Variants in NDUFAF1 observed in about 807,000 individuals in gnomAD.
NDUFAF1 encodes the protein complex I intermediate-associated protein 30, mitochondrial.
A neutral mutation model predicts 28.7 loss-of-function variants in NDUFAF1; 18 were observed. The observed-to-expected ratio is 0.63, with a 90% confidence interval of 0.43 to 0.93. The LOEUF (loss-of-function observed/expected upper bound fraction) is 0.93, where lower values mean the gene tolerates loss of function less well. NDUFAF1 is among the 40% of genes least tolerant of loss of function. The pLI is 0.00. For synonymous variants in NDUFAF1, 113 were observed against 139.7 expected (o/e 0.81, Z 1.35); for missense variants, 404 against 398.3 (o/e 1.01, Z -0.12).
chr15:41,399,953 G>A (rs1003087525), intron 1 of NDUFAF1, among the ~76,000 whole-genome samples: 1 of 151,788 alleles, frequency 6.6e-6, no homozygotes, highest in African/African-American at 2.4e-5. Context: ...CCAGCTACTC[G>A]GGAGGCTGAA....
chr15:41,387,521 C>G lies in NDUFAF1; in HGVS notation c.907G>C (p.Val303Leu). Reference sequence around the variant, plus strand: ...TCTGTATGAGCTGGATCAGTAAACACGCCAATAAAATCTATCTCCAGGAAG... The same window carrying G: ...TCTGTATGAGCTGGATCAGTAAACAGGCCAATAAAATCTATCTCCAGGAAG... Reference protein sequence around the residue: ...PFFLEIDFIGVFTDPAHTEEF... With the variant: ...PFFLEIDFIGLFTDPAHTEEF... Residue 303 changes from valine to leucine, a missense_variant, in exon 5 of 5, where the codon GTG becomes CTG. Coordinates refer to ENST00000260361, the MANE Select transcript of NDUFAF1 (RefSeq NM_016013.4). 1.2e-6 allele frequency: 2 copies of G among 1,613,016 alleles called. No homozygotes were observed. The highest frequency in any genetic ancestry group is 1.3e-5 in the African/African-American group (1 of 74,992).
intron 1 of NDUFAF1, 52 bp downstream of exon 1, chr15:41,402,092 C>G: frequency 2.5e-6 from 1 of 400,010 alleles, no homozygotes; most frequent in Admixed American, 2.5e-5. Flanking sequence ...TTTGACAACA[C>G]AATCCACGCA....
chr15:41,402,063 C>G (rs2050470388), intron 1 of NDUFAF1, 81 bp downstream of exon 1: 1 of 365,144 alleles, frequency 2.7e-6, no homozygotes, highest in Admixed American at 2.8e-5. Flanking sequence ...ACAATACCGC[C>G]CTGAGGTTGA....
At position 41,396,727 on chromosome 15, in the gene NDUFAF1, G is replaced by T. The variant is rs2050393519; in HGVS notation, c.333C>A (p.His111Gln). ...GTTCCAGCAAGACCTCATGCAGAGG[G>T]TGGCCTTCCGGTCCTCTCCAATGAT... is the stretch of plus-strand genomic sequence containing the variant. Reference protein sequence around the residue: ...IVDHWRGPEGHPLHEVLLEQA... With the variant: ...IVDHWRGPEGQPLHEVLLEQA... The change falls in exon 2 of 5, where the codon CAC becomes CAA. Residue 111 changes from histidine (H) to glutamine (Q), a missense_variant. Transcript: ENST00000260361. 1.2e-6 allele frequency: 2 copies of T among 1,613,990 alleles called. No homozygotes were observed. The highest frequency in any genetic ancestry group is 1.3e-5 in the African/African-American group (1 of 74,868).
chr15:41,402,696 A>G (rs1276583990), upstream of NDUFAF1, among the ~76,000 whole-genome samples: 1 of 141,230 alleles, frequency 7.1e-6, no homozygotes, highest in Non-Finnish European at 1.5e-5. Context: ...TCCTTCCTGT[A>G]TCCTTTCAGG....
chr15:41,395,005 A>G lies in NDUFAF1; in HGVS notation c.613T>C (p.Phe205Leu). The G allele has an allele frequency of 6.2e-7, 1 of 1,614,144 alleles. No homozygotes were observed. The highest frequency in any genetic ancestry group is 1.1e-5 in the South Asian group (1 of 91,080). ...CGTACACGGAGATACAGAGTATTGA[A>G]CTGGGACCAATCGTAAGACATCTTC... ...ERKMSYDWSQ[F>L]NTLYLRVRGD... The change falls in exon 3 of 5, where the codon TTC becomes CTC. Residue 205 changes from phenylalanine to leucine, a missense_variant. Coordinates refer to ENST00000260361, the MANE Select transcript of NDUFAF1 (RefSeq NM_016013.4).
At chr15:41,394,172 G>C (rs1295890413) in intron 3 of NDUFAF1, 3 of 450,010 alleles carry the variant, frequency 6.7e-6, no homozygotes, top group Non-Finnish European at 1.3e-5. Flanking sequence ...GGGATTACAG[G>C]CATGCGCCAC....
chr15:41,387,355 G>T lies in NDUFAF1; in HGVS notation c.*89C>A, dbSNP rs1595628323. ...AGAGAATACATACTAGCCATTGGTT[G>T]GATGCCATTAAAGAAATATTTTATT... On this transcript the variant is annotated 3_prime_UTR_variant, in exon 5 of 5. Coordinates refer to ENST00000260361, the MANE Select transcript of NDUFAF1 (RefSeq NM_016013.4). The T allele has an allele frequency of 1.6e-6, 2 of 1,226,744 alleles. No individual in the cohort carries two copies. The highest frequency in any genetic ancestry group is 2.4e-6 in the Non-Finnish European group (2 of 842,330). The allele number at this position is 1,226,744 out of a possible 1,614,324, so 76.0% of individuals were successfully genotyped here.
In NDUFAF1 at chr15:41,389,078, TTTAA is replaced by T. The variant is rs1240847525; in HGVS notation, c.760-560_760-557del. 5.9e-5 allele frequency among the ~76,000 whole-genome samples: 9 copies of T among 152,068 alleles called. No homozygotes were observed. In the South Asian group the frequency reaches 6.2e-4, roughly 11 times the overall value. On this transcript the variant is annotated intron_variant, in intron 3 of 4. Coordinates refer to ENST00000260361, the MANE Select transcript of NDUFAF1 (RefSeq NM_016013.4). Reference sequence around the variant, plus strand: ...ACGATCTTTTAAAACTATATCTGGCTTTAATTGTTTGTGTTTTGTTTTGAGATAG... The same window carrying T: ...ACGATCTTTTAAAACTATATCTGGCTTTGTTTGTGTTTTGTTTTGAGATAG...
At chr15:41,390,654 G>A (rs2050305790) in intron 3 of NDUFAF1, among the ~76,000 whole-genome samples, 1 of 151,794 alleles carries the variant, frequency 6.6e-6, no homozygotes, top group African/African-American at 2.4e-5. Flanking sequence ...GAACCCGGGA[G>A]GCGGAGCTTG....
chr15:41,393,586 G>A (rs1292196164), intron 3 of NDUFAF1, among the ~76,000 whole-genome samples: 6 of 139,800 alleles, frequency 4.3e-5, no homozygotes, highest in African/African-American at 1.5e-4. Context: ...CACCGCGGCC[G>A]GCCTTTTTTT....
Position 41,388,526 on chromosome 15 carries a change from AAAG to A in NDUFAF1, c.760-7_760-5del, listed in dbSNP as rs2050278399. ...AGAAAAATTTGGAAAAAGGAATCTG[AAAG>A]AAGAAACCATTTACTTCATAACTGA... is the stretch of plus-strand genomic sequence containing the variant. On this transcript the variant is annotated splice_region_variant and splice_polypyrimidine_tract_variant and intron_variant, in intron 3 of 4. Coordinates refer to ENST00000260361, the MANE Select transcript of NDUFAF1 (RefSeq NM_016013.4). The A allele has an allele frequency of 1.9e-6, 3 of 1,599,524 alleles. No individual in the cohort carries two copies. The highest frequency in any genetic ancestry group is 1.3e-5 in the African/African-American group (1 of 74,742).
intron 2 of NDUFAF1, 132 bp downstream of exon 2, chr15:41,396,355 C>T (rs1595407722): frequency 2.4e-6 from 2 of 840,934 alleles, no homozygotes; most frequent in Non-Finnish European, 3.7e-6. Flanking sequence ...TATCCCCAGA[C>T]ACAGGTGAGG....
At position 41,402,322 on chromosome 15, in the gene NDUFAF1, AC is replaced by A; in HGVS notation, c.-261del. 1 of 454,066 alleles carries A rather than the reference AC, an allele frequency of 2.2e-6. No individual in the cohort carries two copies. The highest frequency in any genetic ancestry group is 4.4e-6 in the Non-Finnish European group (1 of 226,778). The allele number at this position is 454,066 out of a possible 1,614,324, so 28.1% of individuals were successfully genotyped here. ...GCCTTGGCGTATACCTCCCGCACTC[AC>A]GGCCTGGCCTCCGGAGGCTAGACGG... On this transcript the variant is annotated 5_prime_UTR_variant, in exon 1 of 5. Transcript: ENST00000260361.
Position 41,388,487 on chromosome 15 carries a change from TC to T in NDUFAF1, c.794del (p.Gly265GlufsTer18). On this transcript the variant is annotated frameshift_variant, in exon 4 of 5. Coordinates refer to ENST00000260361, the MANE Select transcript of NDUFAF1 (RefSeq NM_016013.4). LOFTEE classifies it high-confidence loss of function. ...PFSKFFFSNR[G>X]RIRDVQHELP... ...GCTCATGCTGAACATCCCGGATTCT[TC>T]CTCGATTAGAGAAGAAAAATTTGGA... The T allele has an allele frequency of 6.2e-7, 1 of 1,613,288 alleles. No individual in the cohort carries two copies. Among genetic ancestry groups the T allele is most frequent in the Admixed American group, 1.7e-5 (1 of 59,980 alleles).
intron 3 of NDUFAF1, among the ~76,000 whole-genome samples, chr15:41,391,287 T>C (rs1261532259): frequency 6.6e-6 from 1 of 151,934 alleles, no homozygotes; most frequent in Non-Finnish European, 1.5e-5. Flanking sequence ...GGGAAACTGG[T>C]AGGAACAATA....
At position 41,394,834 on chromosome 15, in the gene NDUFAF1, A is replaced by G. The variant is rs369170875; in HGVS notation, c.759+25T>C. 502 of 1,612,936 alleles carry G rather than the reference A, an allele frequency of 3.1e-4. 11 individuals carry two copies. In the South Asian group the frequency reaches 4.3e-3, roughly 14 times the overall value. ...CACCCAGCCAAGACCTCATTTTTAT[A>G]AACAATGAAGATTTATGCTGTTACC... On this transcript the variant is annotated intron_variant, in intron 3 of 4. Transcript: ENST00000260361.
At chr15:41,398,505 G>A (rs1369789747) in intron 1 of NDUFAF1, among the ~76,000 whole-genome samples, 1 of 151,228 alleles carries the variant, frequency 6.6e-6, no homozygotes, top group Non-Finnish European at 1.5e-5. Context: ...AAGAGACAGG[G>A]TCTCTTGCTC....
chr15:41,401,763 T>C (rs1256545787), intron 1 of NDUFAF1, among the ~76,000 whole-genome samples: 2 of 152,174 alleles, frequency 1.3e-5, no homozygotes, highest in Non-Finnish European at 2.9e-5. Flanking sequence ...ATCAAAACCA[T>C]GTAAACAGTA....
Sources: gnomAD v4.1 joint callset for allele counts (sites outside exome capture counted in the v4.1 genomes callset) on GRCh38, gnomAD v4.1.1 for gene constraint, MANE v1.5 for transcripts, NCBI Gene and HGNC (gene_info 2026-07-23, HGNC 2026-07-21) for gene names.